Variants in FRRS1 observed in about 807,000 individuals in gnomAD.
FRRS1 encodes the protein ferric chelate reductase 1, also known as ferric reductase 1.
FRRS1 carries 51 observed loss-of-function variants against 70.7 expected under a neutral mutation model. That is an observed-to-expected ratio of 0.72 (90% CI 0.58 to 0.91). The LOEUF (loss-of-function observed/expected upper bound fraction) is 0.91. FRRS1 is among the 40% of genes least tolerant of loss of function. The pLI, the probability that FRRS1 is intolerant of heterozygous loss-of-function variation, is 0.00. For synonymous variants in FRRS1, 225 were observed against 238.7 expected, an observed-to-expected ratio of 0.94 and a Z score of 0.53; for missense variants, 672 against 726.0, an observed-to-expected ratio of 0.93 and a Z score of 0.86.
chr1:99,708,771 GA>G lies in FRRS1; in HGVS notation c.*256del. 1.7e-6 allele frequency: 1 copy of G among 583,018 alleles called. No individual in the cohort carries two copies. The highest frequency in any genetic ancestry group is 3.0e-6 in the Non-Finnish European group (1 of 337,638). 36.1% of individuals were successfully genotyped at this position (583,018 alleles called of 1,614,324 possible). A position where few individuals can be genotyped will look rare whatever the true frequency, so the allele number is the denominator to read the frequency against. The stretch of plus-strand genomic sequence containing the variant: ...TAAAATCTTGGCATGAAATATTTGA[GA>G]GTTACTTCTCCTGAAGTACAATCTT... On this transcript the variant is annotated 3_prime_UTR_variant, in exon 17 of 17. Transcript: ENST00000646001.
At chr1:99,748,108 T>C (rs555480261) in intron 3 of FRRS1, 2 of 156,400 alleles carry the variant, frequency 1.3e-5, no homozygotes, top group African/African-American at 4.8e-5. Context: ...TATTTTTCTA[T>C]ATACTCTCTA....
chr1:99,719,620 G>A lies in FRRS1; in HGVS notation c.1034C>T (p.Pro345Leu). ...DGRIYKHSQQ[P>L]LITYEKYDVT... ...ATCATATTTTTCATAGGTAATCAAA[G>A]GTTGCTGAGAGTGCTTGTAAATTCG... is the stretch of plus-strand genomic sequence containing the variant. The change falls in exon 10 of 17, where the codon CCT (proline) becomes CTT (leucine). Residue 345 changes from proline to leucine, a missense_variant. Physicochemically the swap from Pro to Leu is moderately conservative, Grantham distance 98. Coordinates refer to ENST00000646001, the MANE Select transcript of FRRS1 (RefSeq NM_001361041.2). 1.9e-6 allele frequency: 3 copies of A among 1,608,332 alleles called. No homozygotes were observed. The South Asian group carries it at 3.3e-5, about 18-fold the overall frequency.
chr1:99,759,974 ATC>A, intron 1 of FRRS1, among the ~76,000 whole-genome samples: 1 of 152,230 alleles, frequency 6.6e-6, no homozygotes, highest in Non-Finnish European at 1.5e-5. Flanking sequence ...TCCAGCAAGG[ATC>A]AACATTTCAC....
rs561888869 is a variant in FRRS1 at position 99,714,329 on chromosome 1, G to A, written c.1323+1257C>T. ...CTCCTGAGTAGCTGGGATGACAGGC[G>A]TGCGCCACCACGCCTGGCTAATTTT... On this transcript the variant is annotated intron_variant, in intron 12 of 16. Transcript: ENST00000646001. Among the ~76,000 whole-genome samples, 270 of 151,994 alleles carry A rather than the reference G, an allele frequency of 1.8e-3. 1 individual carries two copies. The highest frequency in any genetic ancestry group is 6.2e-3 in the African/African-American group (256 of 41,442).
rs573538154 is a variant in FRRS1 at position 99,708,189 on chromosome 1, AT to A, written c.*838del. Among the ~76,000 whole-genome samples, 237 of 152,352 alleles carry A rather than the reference AT, an allele frequency of 1.6e-3. 1 individual carries two copies. The highest frequency in any genetic ancestry group is 2.7e-3 in the Non-Finnish European group (184 of 68,030). On this transcript the variant is annotated 3_prime_UTR_variant, in exon 17 of 17. Coordinates refer to ENST00000646001, the MANE Select transcript of FRRS1 (RefSeq NM_001361041.2). ...AGTAACAAAATACACTGAGCAAAGG[AT>A]ATGTCCAAAAAACTAAACTGAAAAA...
chr1:99,740,674 T>C (rs1655910733), intron 6 of FRRS1, 119 bp downstream of exon 6: 1 of 706,718 alleles, frequency 1.4e-6, no homozygotes, highest in South Asian at 1.8e-5. Context: ...CTCACACCTG[T>C]AATTCCAAGC....
At chr1:99,741,144 C>T (rs1471554368) in intron 5 of FRRS1, among the ~76,000 whole-genome samples, 2 of 152,276 alleles carry the variant, frequency 1.3e-5, no homozygotes, top group African/African-American at 4.8e-5. Context: ...TTCTCTCCCT[C>T]TGTCCCTCTT....
chr1:99,715,659 A>G lies in FRRS1; in HGVS notation c.1250T>C (p.Leu417Pro). 6.2e-7 allele frequency: 1 copy of G among 1,612,022 alleles called. No homozygotes were observed. Among genetic ancestry groups the G allele is most frequent in the Non-Finnish European group, 8.5e-7 (1 of 1,178,072 alleles). ...EAAWFQVHRMLMFTTTVLTCI... is the reference protein window; with the variant it reads ...EAAWFQVHRMPMFTTTVLTCI... ...GGTGAGGACAGTTGTGGTGAACATG[A>G]GCATCCGATGCACCTGCAAGGTAAA... The change falls in exon 12 of 17, where the codon CTC (leucine) becomes CCC (proline). Residue 417 changes from leucine to proline, a missense_variant. Leu to Pro is a moderately conservative substitution (Grantham distance 98). Transcript: ENST00000646001.
At position 99,738,273 on chromosome 1, in the gene FRRS1, A is replaced by G. The variant is rs761149996; in HGVS notation, c.577-5T>C. The G allele has an allele frequency of 6.4e-7, 1 of 1,566,868 alleles. No individual in the cohort carries two copies. The highest frequency in any genetic ancestry group is 1.2e-5 in the South Asian group (1 of 83,758). On this transcript the variant is annotated splice_polypyrimidine_tract_variant and splice_region_variant and intron_variant, in intron 6 of 16. Transcript: ENST00000646001. ...CCCACAATCTGAGGCACTGAACTAGAAAAATGACAGAGGAAAAAAAAATCT... is the reference window on the plus strand; with the variant it reads ...CCCACAATCTGAGGCACTGAACTAGGAAAATGACAGAGGAAAAAAAAATCT...
At position 99,704,585 on chromosome 1, in the gene FRRS1, A is replaced by G. The variant is rs1653981785; in HGVS notation, c.*4443T>C. ...CCTGCCTTCAGCGCCCAAATGTTGCATTTCCTAAGACCACCCTGGCTCACC... is the reference window on the plus strand; with the variant it reads ...CCTGCCTTCAGCGCCCAAATGTTGCGTTTCCTAAGACCACCCTGGCTCACC... On this transcript the variant is annotated 3_prime_UTR_variant, in exon 17 of 17. Coordinates refer to ENST00000646001, the MANE Select transcript of FRRS1 (RefSeq NM_001361041.2). Among the ~76,000 whole-genome samples the G allele has an allele frequency of 6.6e-6, 1 of 152,232 alleles. No individual in the cohort carries two copies. Among genetic ancestry groups the G allele is most frequent in the Admixed American group, 6.5e-5 (1 of 15,290 alleles).
At chr1:99,761,864 TA>T (rs1159632437) in intron 1 of FRRS1, among the ~76,000 whole-genome samples, 1 of 151,860 alleles carries the variant, frequency 6.6e-6, no homozygotes, top group African/African-American at 2.4e-5. Flanking sequence ...AATTTAGAGG[TA>T]TGGAAGAAAT....
chr1:99,709,083 A>C lies in FRRS1; in HGVS notation c.1724T>G (p.Val575Gly). Residue 575 changes from valine to glycine, a missense_variant, in exon 17 of 17, where the codon GTC (valine) becomes GGC (glycine). Transcript: ENST00000646001. ...AFKKAVLAIY[V>G]CGNVTFLIIF... ...GATGAGAAAAGTAACATTCCCACAG[A>C]CATAAATTGCCAACACTGCCTTTTT... 1 of 1,613,940 alleles carries C rather than the reference A, an allele frequency of 6.2e-7. No individual in the cohort carries two copies. The highest frequency in any genetic ancestry group is 8.5e-7 in the Non-Finnish European group (1 of 1,179,920).
intron 4 of FRRS1, among the ~76,000 whole-genome samples, chr1:99,744,299 G>T (rs1656126366): frequency 1.3e-5 from 2 of 152,010 alleles, no homozygotes; most frequent in African/African-American, 2.4e-5. Context: ...AAGGTGAAGG[G>T]TCTAAAGCTG....
intron 4 of FRRS1, among the ~76,000 whole-genome samples, chr1:99,743,631 A>T (rs186633537): frequency 3.3e-5 from 5 of 152,342 alleles, no homozygotes; most frequent in African/African-American, 9.6e-5. Flanking sequence ...ACATATAAAC[A>T]AATGTAAAAA....
intron 15 of FRRS1, among the ~76,000 whole-genome samples, chr1:99,709,798 T>A (rs1331443478): frequency 6.6e-6 from 1 of 152,016 alleles, no homozygotes; most frequent in African/African-American, 2.4e-5. Context: ...TGAGACCCTG[T>A]CTCTAAAAAA....
intron 8 of FRRS1, 70 bp from the exon 9 acceptor site, chr1:99,728,710 T>C (rs1271891558): frequency 7.3e-7 from 1 of 1,364,426 alleles, no homozygotes. Context: ...ATGATCAAAA[T>C]CCTGCCCTGT....
rs1232091644 is a variant in FRRS1, at chr1:99,708,625, A to AATATATATATAT, written c.*391_*402dup. On this transcript the variant is annotated 3_prime_UTR_variant, in exon 17 of 17. Coordinates refer to ENST00000646001, the MANE Select transcript of FRRS1 (RefSeq NM_001361041.2). The stretch of plus-strand genomic sequence containing the variant: ...AAAAAAAAAAAAAAAAAAAAAAAAA[A>AATATATATATAT]ATATATATATATATATATATATATA... 17 of 52,736 alleles carry AATATATATATAT rather than the reference A, an allele frequency of 3.2e-4. No individual in the cohort carries two copies. Among genetic ancestry groups the AATATATATATAT allele is most frequent in the South Asian group, 1.2e-3 (1 of 830 alleles). The allele number at this position is 52,736 out of a possible 1,614,324, so 3.3% of individuals were successfully genotyped here.
At chr1:99,714,341 G>A (rs530838108) in intron 12 of FRRS1, among the ~76,000 whole-genome samples, 7 of 152,050 alleles carry the variant, frequency 4.6e-5, no homozygotes, top group African/African-American at 7.2e-5. Context: ...GCGCCACCAC[G>A]CCTGGCTAAT....
intron 4 of FRRS1, among the ~76,000 whole-genome samples, chr1:99,745,485 A>G (rs1335354008): frequency 1.3e-5 from 2 of 152,032 alleles, no homozygotes; most frequent in African/African-American, 4.8e-5. Flanking sequence ...GGAGTTCGAG[A>G]CCAGCCTGGC....
Sources: gnomAD v4.1 joint callset for allele counts (sites outside exome capture counted in the v4.1 genomes callset) on GRCh38, gnomAD v4.1.1 for gene constraint, MANE v1.5 for transcripts, NCBI Gene and HGNC (gene_info 2026-07-23, HGNC 2026-07-21) for gene names.